Variants in WDR70 observed in about 807,000 individuals in gnomAD.
WDR70 encodes WD repeat domain 70, also known as WD repeat-containing protein 70.
Under a neutral mutation model 88.6 loss-of-function variants are expected in WDR70, and 53 were observed. The observed-to-expected ratio is 0.60, with a 90% CI of 0.48 to 0.75. WDR70 has a LOEUF of 0.75. WDR70 is among the 30% of genes least tolerant of loss of function. The pLI, the probability that WDR70 is intolerant of heterozygous loss-of-function variation, is 0.00. For synonymous variants in WDR70, 280 were observed against 270.0 expected (o/e 1.04, Z -0.36); for missense variants, 610 against 823.2 (o/e 0.74, Z 3.17).
chr5:37,464,804 G>T (rs564642281), intron 7 of WDR70, among the ~76,000 whole-genome samples: 37 of 152,332 alleles, frequency 2.4e-4, no homozygotes, highest in African/African-American at 8.9e-4. Flanking sequence ...CACGGGTGCT[G>T]GATCTGGACA....
intron 9 of WDR70, among the ~76,000 whole-genome samples, chr5:37,564,124 G>A (rs1220003077): frequency 6.7e-6 from 1 of 149,964 alleles, no homozygotes; most frequent in African/African-American, 2.4e-5. Context: ...CAGACGGGGT[G>A]GCGGCTGGGC....
chr5:37,490,155 T>C (rs564157265), intron 8 of WDR70, among the ~76,000 whole-genome samples: 1 of 152,210 alleles, frequency 6.6e-6, no homozygotes, highest in South Asian at 2.1e-4. Context: ...CCCTGGGCAG[T>C]GTGATAGAGA....
At chr5:37,692,620 G>A (rs36123422) in intron 10 of WDR70, among the ~76,000 whole-genome samples, 1 of 152,152 alleles carries the variant, frequency 6.6e-6, no homozygotes, top group African/African-American at 2.4e-5. Flanking sequence ...AACACCACGT[G>A]ATTATCTCAA....
intron 17 of WDR70, among the ~76,000 whole-genome samples, chr5:37,737,530 C>T (rs1018272367): frequency 6.6e-6 from 1 of 152,182 alleles, no homozygotes; most frequent in South Asian, 2.1e-4. Context: ...GCTCCGCCAC[C>T]CCCTGGCGAG....
rs58890546 is a variant in WDR70, at chr5:37,488,095, T to TC, written c.840+8110dup. ...TGGGTGGCTTTTTTTTTTTTTTTTTTCCTTTCAGCACTTTGACAATATCAT... is the reference window on the plus strand; with the variant it reads ...TGGGTGGCTTTTTTTTTTTTTTTTTTCCCTTTCAGCACTTTGACAATATCAT... On this transcript the variant is annotated intron_variant, in intron 8 of 17. Coordinates refer to ENST00000265107, the MANE Select transcript of WDR70 (RefSeq NM_018034.4). Among the ~76,000 whole-genome samples, 254 of 143,130 alleles carry TC rather than the reference T, an allele frequency of 1.8e-3. 2 individuals carry two copies. Among genetic ancestry groups the TC allele is most frequent in the Admixed American group, 3.5e-3 (50 of 14,344 alleles). The allele number at this position is 143,130 out of a possible 152,430, so 93.9% of individuals were successfully genotyped here.
intron 9 of WDR70, among the ~76,000 whole-genome samples, chr5:37,584,265 T>G (rs1315429075): frequency 6.6e-6 from 1 of 152,240 alleles, no homozygotes; most frequent in Non-Finnish European, 1.5e-5. Context: ...CTTATTCAGA[T>G]TCTTAGTCCG....
At chr5:37,578,932 A>G (rs963170556) in intron 9 of WDR70, among the ~76,000 whole-genome samples, 1 of 152,168 alleles carries the variant, frequency 6.6e-6, no homozygotes, top group African/African-American at 2.4e-5. Context: ...AACTTTTTTG[A>G]GATTTTAATT....
chr5:37,583,705 A>G (rs1307394378), intron 9 of WDR70, among the ~76,000 whole-genome samples: 1 of 152,024 alleles, frequency 6.6e-6, no homozygotes, highest in African/African-American at 2.4e-5. Flanking sequence ...TGTCCTTTGA[A>G]AGTGTTTTCT....
At chr5:37,617,048 A>G (rs1197155838) in intron 10 of WDR70, among the ~76,000 whole-genome samples, 1 of 152,216 alleles carries the variant, frequency 6.6e-6, no homozygotes, top group Non-Finnish European at 1.5e-5. Flanking sequence ...TTAACAAGTG[A>G]TATTTAATGA....
chr5:37,477,530 T>C (rs1247605245), intron 7 of WDR70, among the ~76,000 whole-genome samples: 1 of 152,210 alleles, frequency 6.6e-6, no homozygotes, highest in African/African-American at 2.4e-5. Context: ...TAGGTCAAGT[T>C]AAGAGTTGCT....
At chr5:37,669,418 T>G (rs896424383) in intron 10 of WDR70, among the ~76,000 whole-genome samples, 1 of 151,584 alleles carries the variant, frequency 6.6e-6, no homozygotes, top group Non-Finnish European at 1.5e-5. Context: ...AAAAAACATT[T>G]TGTTTTCTTT....
chr5:37,672,468 C>T (rs1746056073), intron 10 of WDR70, among the ~76,000 whole-genome samples: 2 of 152,160 alleles, frequency 1.3e-5, no homozygotes, highest in African/African-American at 4.8e-5. Context: ...GAAAACCACC[C>T]TGTGGCTGGA....
At chr5:37,602,328 G>T (rs575997473) in intron 9 of WDR70, among the ~76,000 whole-genome samples, 1 of 152,152 alleles carries the variant, frequency 6.6e-6, no homozygotes, top group Admixed American at 6.5e-5. Flanking sequence ...AAAACTATTG[G>T]CCAGGTGTGG....
chr5:37,439,000 C>T (rs1398966636), intron 6 of WDR70, among the ~76,000 whole-genome samples: 1 of 150,526 alleles, frequency 6.6e-6, no homozygotes. Flanking sequence ...TCACTGCAAG[C>T]TCCAACTCCC....
intron 15 of WDR70, 36 bp from the exon 16 acceptor site, chr5:37,724,898 G>T: frequency 1.3e-6 from 2 of 1,578,434 alleles, no homozygotes. Context: ...GAAGGTTATT[G>T]TTATAATGAA....
At chr5:37,647,479 G>A (rs1104718) in intron 10 of WDR70, among the ~76,000 whole-genome samples, 16,091 of 152,152 alleles carry the variant, frequency 0.11, 2,737 homozygotes, top group African/African-American at 0.36. Flanking sequence ...TTGTAGTCTT[G>A]TAGTTTTGGC....
intron 9 of WDR70, among the ~76,000 whole-genome samples, chr5:37,531,779 G>A (rs1168358605): frequency 6.6e-6 from 1 of 150,798 alleles, no homozygotes; most frequent in African/African-American, 2.4e-5. Context: ...GAGATGTGAG[G>A]TACTATTCTA....
chr5:37,614,988 C>T (rs144513565), intron 10 of WDR70, among the ~76,000 whole-genome samples: 85 of 151,874 alleles, frequency 5.6e-4, no homozygotes, highest in African/African-American at 2.0e-3. Flanking sequence ...AACCAAGAAA[C>T]TAAAGCAGAT....
At chr5:37,603,137 G>GA (rs577522789) in intron 9 of WDR70, among the ~76,000 whole-genome samples, 93 of 141,212 alleles carry the variant, frequency 6.6e-4, no homozygotes, top group South Asian at 1.6e-3. Context: ...CATAGAAATA[G>GA]AAAAAAAAAA....
Sources: gnomAD v4.1 joint callset for allele counts (sites outside exome capture counted in the v4.1 genomes callset) on GRCh38, gnomAD v4.1.1 for gene constraint, MANE v1.5 for transcripts, NCBI Gene and HGNC (gene_info 2026-07-23, HGNC 2026-07-21) for gene names.